The following GATB variants were observed in gnomAD, a reference collection of about 807,000 sequenced individuals.
The protein encoded by GATB is glutamyl-tRNA amidotransferase subunit B.
Under a neutral mutation model 62.3 loss-of-function variants are expected in GATB, and 39 were observed. That is an observed-to-expected ratio of 0.63 (90% CI 0.48 to 0.82). GATB has a LOEUF of 0.82. Ranked by LOEUF, GATB falls within the 40% of genes least tolerant of loss-of-function variation. The pLI is 0.00. For missense variants in GATB, 670 were observed against 684.0 expected, an observed-to-expected ratio of 0.98 and a Z score of 0.23; for synonymous variants, 276 against 258.9, an observed-to-expected ratio of 1.07 and a Z score of -0.63.
intron 3 of GATB, among the ~76,000 whole-genome samples, chr4:151,718,098 G>A (rs1270141361): frequency 1.3e-5 from 2 of 152,182 alleles, no homozygotes. Flanking sequence ...CAGACTGCTT[G>A]GCCCGACCTC....
chr4:151,684,583 A>G (rs1738206784), intron 10 of GATB, among the ~76,000 whole-genome samples: 1 of 152,240 alleles, frequency 6.6e-6, no homozygotes, highest in Non-Finnish European at 1.5e-5. Context: ...ATTAGCACTC[A>G]TAGCTGAGGC....
At chr4:151,752,141 T>C (rs930511814) in intron 2 of GATB, among the ~76,000 whole-genome samples, 1 of 152,200 alleles carries the variant, frequency 6.6e-6, no homozygotes, top group Non-Finnish European at 1.5e-5. Flanking sequence ...CTCTTACAGG[T>C]ATAAGTGCTG....
intron 9 of GATB, among the ~76,000 whole-genome samples, chr4:151,698,200 C>T (rs550161261): frequency 3.3e-5 from 5 of 151,778 alleles, no homozygotes; most frequent in Admixed American, 6.6e-5. Flanking sequence ...ATTCACTCAC[C>T]CGTCTGTCCA....
chr4:151,758,798 C>A lies in GATB; in HGVS notation c.301G>T (p.Asp101Tyr). 1.3e-6 allele frequency: 2 copies of A among 1,599,392 alleles called. No individual in the cohort carries two copies. The highest frequency in any genetic ancestry group is 1.1e-5 in the South Asian group (1 of 87,492). ...APPNSLVSFF[D>Y]ASLPGTLPVL... ...GGCAAAGTTCCAGGTAGAGATGCAT[C>A]AAAAAAAGAAACCAAAGAATTTGGA... The change falls in exon 2 of 13, where the codon GAT (aspartate) becomes TAT (tyrosine). Residue 101 changes from aspartate to tyrosine, a missense_variant. Physicochemically the swap from Asp to Tyr is radical, Grantham distance 160. Coordinates refer to ENST00000263985, the MANE Select transcript of GATB (RefSeq NM_004564.3).
chr4:151,750,069 G>A (rs1218046234), intron 2 of GATB, among the ~76,000 whole-genome samples: 1 of 152,094 alleles, frequency 6.6e-6, no homozygotes, highest in Non-Finnish European at 1.5e-5. Context: ...TTTTAGTAGA[G>A]ACAGGGTTTC....
At chr4:151,735,740 A>G (rs1180353853) in intron 2 of GATB, among the ~76,000 whole-genome samples, 4 of 134,192 alleles carry the variant, frequency 3.0e-5, no homozygotes, top group Non-Finnish European at 4.7e-5. Context: ...TGTGGTGTAT[A>G]TATATATATA....
chr4:151,725,646 C>T (rs1165893158), intron 2 of GATB, among the ~76,000 whole-genome samples: 1 of 152,134 alleles, frequency 6.6e-6, no homozygotes, highest in African/African-American at 2.4e-5. Context: ...AAAGGGTTTG[C>T]TAAGCAAATT....
At chr4:151,719,266 C>G (rs1397508457) in intron 3 of GATB, among the ~76,000 whole-genome samples, 159 bp downstream of exon 3, 1 of 152,186 alleles carries the variant, frequency 6.6e-6, no homozygotes, top group Non-Finnish European at 1.5e-5. Context: ...TCAGGGGCAC[C>G]TGCCTGCATC....
intron 2 of GATB, among the ~76,000 whole-genome samples, chr4:151,753,862 G>A (rs933887919): frequency 6.6e-6 from 1 of 152,122 alleles, no homozygotes; most frequent in Non-Finnish European, 1.5e-5. Flanking sequence ...GCTGCATTCT[G>A]TTGTCCTTCA....
At chr4:151,726,175 G>A (rs1308948559) in intron 2 of GATB, among the ~76,000 whole-genome samples, 1 of 152,204 alleles carries the variant, frequency 6.6e-6, no homozygotes, top group Non-Finnish European at 1.5e-5. Flanking sequence ...TAAGTAAAAA[G>A]AAGGCAGTAA....
chr4:151,700,980 AC>A (rs1487922974), intron 9 of GATB, among the ~76,000 whole-genome samples: 1 of 152,186 alleles, frequency 6.6e-6, no homozygotes. Flanking sequence ...GAAACCCTAT[AC>A]ATTGATTTTC....
chr4:151,707,854 C>CA (rs1289163098), intron 6 of GATB, 134 bp downstream of exon 6: 2 of 633,668 alleles, frequency 3.2e-6, no homozygotes, highest in Admixed American at 5.3e-5. Flanking sequence ...AGTGAGCCGA[C>CA]ACAGGACCAA....
chr4:151,741,944 G>A (rs1739496405), intron 2 of GATB, among the ~76,000 whole-genome samples: 1 of 152,176 alleles, frequency 6.6e-6, no homozygotes, highest in African/African-American at 2.4e-5. Context: ...CGGGAATTTG[G>A]AAAGAGCTCA....
intron 2 of GATB, among the ~76,000 whole-genome samples, chr4:151,757,553 AGCTCT>A (rs1018696754): frequency 1.3e-5 from 2 of 149,066 alleles, no homozygotes; most frequent in African/African-American, 5.0e-5. Flanking sequence ...GCTCACTGCA[AGCTCT>A]GCCTCCCAGG....
At chr4:151,692,029 C>T (rs1441027080) in intron 9 of GATB, among the ~76,000 whole-genome samples, 1 of 152,182 alleles carries the variant, frequency 6.6e-6, no homozygotes, top group Non-Finnish European at 1.5e-5. Context: ...TGGGTGGCTG[C>T]GTGAGGCTAC....
intron 3 of GATB, 127 bp from the exon 4 acceptor site, chr4:151,717,201 G>T: frequency 1.1e-6 from 1 of 887,952 alleles, no homozygotes; most frequent in Non-Finnish European, 1.7e-6. Flanking sequence ...AAGAAAAAAA[G>T]GAAAAGGAGA....
intron 9 of GATB, among the ~76,000 whole-genome samples, chr4:151,693,461 CAG>C (rs1008135279): frequency 1.3e-5 from 2 of 152,046 alleles, no homozygotes; most frequent in African/African-American, 4.8e-5. Flanking sequence ...AGAAAACAAA[CAG>C]AAGTTAACTG....
At position 151,736,583 on chromosome 4, in the gene GATB, T is replaced by A. The variant is rs1385298777; in HGVS notation, c.328-17045A>T. Among the ~76,000 whole-genome samples, 8 of 152,340 alleles carry A rather than the reference T, an allele frequency of 5.3e-5. No homozygotes were observed. The South Asian group carries it at 1.5e-3, about 28-fold the overall frequency. On this transcript the variant is annotated intron_variant, in intron 2 of 12. Transcript: ENST00000263985. ...TGTCAGGATAGTATGATGTAAGTGTTTACCACTGCCACTCCCAGCCCAACT... is the reference window on the plus strand; with the variant it reads ...TGTCAGGATAGTATGATGTAAGTGTATACCACTGCCACTCCCAGCCCAACT...
intron 11 of GATB, chr4:151,674,312 T>G (rs1342938653): frequency 6.6e-6 from 1 of 152,182 alleles, no homozygotes; most frequent in African/African-American, 2.4e-5. Context: ...TGCTTATCAG[T>G]GGAGTGCTGC....
Sources: allele counts gnomAD v4.1 joint callset (sites outside exome capture counted in the v4.1 genomes callset), GRCh38; gene constraint gnomAD v4.1.1; transcripts MANE v1.5; gene names NCBI Gene and HGNC (gene_info 2026-07-23, HGNC 2026-07-21).